FAN1: variants seen among roughly 807,000 people sequenced by gnomAD.
FAN1 encodes FANCD2 and FANCI associated nuclease 1, also known as fanconi-associated nuclease 1.
A neutral mutation model predicts 104.9 loss-of-function variants in FAN1; 91 were observed. The observed-to-expected ratio is 0.87, with a 90% CI of 0.73 to 1.03. FAN1 has a LOEUF of 1.03. Among genes scored for constraint, FAN1 ranks in the 50% least tolerant of loss-of-function variants. The probability of loss-of-function intolerance (pLI) is 0.00; values close to 1 mark genes in which losing one functional copy is unlikely to be tolerated. For synonymous variants in FAN1, 478 were observed against 457.6 expected (o/e 1.04, Z -0.57); for missense variants, 1,263 against 1,239.9 (o/e 1.02, Z -0.28).
intron 5 of FAN1, among the ~76,000 whole-genome samples, 194 bp from the exon 6 acceptor site, chr15:30,917,970 T>C (rs1196040653): frequency 1.3e-5 from 2 of 152,230 alleles, no homozygotes; most frequent in Non-Finnish European, 2.9e-5. Flanking sequence ...ATCTTTCTAG[T>C]TGGGCTTTCT....
chr15:30,907,754 G>T (rs1014662706), intron 2 of FAN1, among the ~76,000 whole-genome samples: 6 of 152,356 alleles, frequency 3.9e-5, no homozygotes, highest in Non-Finnish European at 7.3e-5. Context: ...TGCTGGGTTA[G>T]AGATGACTGC....
intron 6 of FAN1, among the ~76,000 whole-genome samples, chr15:30,920,156 G>A (rs1473899016): frequency 1.3e-5 from 2 of 152,178 alleles, no homozygotes; most frequent in Non-Finnish European, 2.9e-5. Flanking sequence ...TTCATTTGTG[G>A]ACATTGAAAT....
Position 30,941,749 on chromosome 15 carries a change from C to G in FAN1, c.*187C>G. On this transcript the variant is annotated 3_prime_UTR_variant, in exon 15 of 15. Transcript: ENST00000362065. ...TGCTCAGTACGTCGACTTCATCAGC[C>G]AGGAGGGAGAGCTTGTGAAAGGCTG... 1 of 1,613,980 alleles carries G rather than the reference C, an allele frequency of 6.2e-7. No individual in the cohort carries two copies. The highest frequency in any genetic ancestry group is 1.3e-5 in the African/African-American group (1 of 75,032).
intron 4 of FAN1, chr15:30,911,283 GA>G: frequency 1.0e-6 from 1 of 986,768 alleles, no homozygotes; most frequent in Non-Finnish European, 1.2e-6. Flanking sequence ...TGTTTCAGTT[GA>G]AAATTACAAA....
intron 12 of FAN1, among the ~76,000 whole-genome samples, chr15:30,929,723 TAAA>T (rs1566929730): frequency 2.3e-5 from 1 of 43,174 alleles, no homozygotes; most frequent in Non-Finnish European, 4.1e-5. Context: ...ATAATATATA[TAAA>T]ATATATAATA....
Position 30,941,615 on chromosome 15 carries a change from C to T in FAN1, c.*53C>T, listed in dbSNP as rs747033345. 5 of 1,601,980 alleles carry T rather than the reference C, an allele frequency of 3.1e-6. No homozygotes were observed. The African/African-American group carries it at 5.4e-5, about 17-fold the overall frequency. On this transcript the variant is annotated 3_prime_UTR_variant, in exon 15 of 15. Coordinates refer to ENST00000362065, the MANE Select transcript of FAN1 (RefSeq NM_014967.5). ...TGAGGAGGAGAGAAACTCCGGTGTC[C>T]CCGAGGTGTCGGTGTGGTGAGGGCC...
intron 10 of FAN1, chr15:30,927,063 G>T: frequency 1.0e-6 from 1 of 975,376 alleles, no homozygotes; most frequent in Non-Finnish European, 1.2e-6. Flanking sequence ...TGTAATCCCA[G>T]CACTTGGGGA....
chr15:30,904,872 T>A lies in FAN1; in HGVS notation c.209T>A (p.Val70Asp), dbSNP rs1418869148. 6.2e-7 allele frequency: 1 copy of A among 1,613,612 alleles called. No homozygotes were observed. Among genetic ancestry groups the A allele is most frequent in the Non-Finnish European group, 8.5e-7 (1 of 1,179,692 alleles). The change falls in exon 2 of 15, where the codon GTT (valine) becomes GAT (aspartate). Residue 70 changes from valine (V) to aspartate (D), a missense_variant. Around this residue, in one of 2 missense-constraint regions of FAN1, gnomAD observed 682 missense variants for 571.1 expected, o/e 1.19. Coordinates refer to ENST00000362065, the MANE Select transcript of FAN1 (RefSeq NM_014967.5). ...LDEMCANNDF[V>D]QVDPGQVGLI... ...GAAATGTGTGCTAACAATGACTTCGTTCAAGTGGATCCAGGGCAGGTTGGC... is the reference window on the plus strand; with the variant it reads ...GAAATGTGTGCTAACAATGACTTCGATCAAGTGGATCCAGGGCAGGTTGGC...
rs1178176554 is a variant in FAN1 at position 30,925,042 on chromosome 15, CA to C, written c.2173-84del. The C allele has an allele frequency of 3.2e-5, 44 of 1,396,278 alleles. No homozygotes were observed. The East Asian group carries it at 8.8e-4, about 28-fold the overall frequency. The allele number at this position is 1,396,278 out of a possible 1,614,324, so 86.5% of individuals were successfully genotyped here. A position where few individuals can be genotyped will look rare whatever the true frequency, so the allele number is the denominator to read the frequency against. ...CTAATCAGCAAAATTCAATAATAAACAGTGGGCTTTTCTGTCAAACTAAATG... is the reference window on the plus strand; with the variant it reads ...CTAATCAGCAAAATTCAATAATAAACGTGGGCTTTTCTGTCAAACTAAATG... On this transcript the variant is annotated intron_variant, in intron 8 of 14. Transcript: ENST00000362065.
At chr15:30,941,216 C>G in intron 14 of FAN1, 1 of 1,389,890 alleles carries the variant, frequency 7.2e-7, no homozygotes, top group African/African-American at 1.4e-5. Flanking sequence ...ATGTAGCAGA[C>G]AACATGAACA....
At chr15:30,927,684 C>T in intron 10 of FAN1, 2 of 985,660 alleles carry the variant, frequency 2.0e-6, no homozygotes, top group Non-Finnish European at 2.4e-6. Flanking sequence ...TGGTGGTCAG[C>T]ACCTCCTCTG....
At chr15:30,917,912 A>G (rs1595845968) in intron 5 of FAN1, among the ~76,000 whole-genome samples, 1 of 152,378 alleles carries the variant, frequency 6.6e-6, no homozygotes, top group South Asian at 2.1e-4. Context: ...TCCATATCAC[A>G]TTTATAGAAT....
intron 8 of FAN1, among the ~76,000 whole-genome samples, chr15:30,923,888 AG>A (rs539655800): frequency 7.5e-4 from 114 of 152,204 alleles, no homozygotes; most frequent in Non-Finnish European, 1.4e-3. Flanking sequence ...AGCCATTTTT[AG>A]GTGTACAGTT....
chr15:30,905,137 A>C lies in FAN1; in HGVS notation c.474A>C (p.Lys158Asn). 1 of 1,614,046 alleles carries C rather than the reference A, an allele frequency of 6.2e-7. No individual in the cohort carries two copies. Among genetic ancestry groups the C allele is most frequent in the South Asian group, 1.1e-5 (1 of 91,090 alleles). Residue 158 changes from lysine to asparagine, a missense_variant, in exon 2 of 15, where the codon AAA becomes AAC. Transcript: ENST00000362065. ...KVICLGSLASKLSRKYVKAKK... is the reference protein window; with the variant it reads ...KVICLGSLASNLSRKYVKAKK... ...TTTGTTTGGGAAGCCTAGCATCTAA[A>C]TTGTCCAGAAAATACGTAAAGGCTA... is the stretch of plus-strand genomic sequence containing the variant.
chr15:30,905,584 T>C lies in FAN1; in HGVS notation c.921T>C (p.Thr307=). The change falls in exon 2 of 15, where the codon ACT becomes ACC. Residue 307 remains threonine, a synonymous_variant. Transcript: ENST00000362065. ...GTCATTGTGAAGAAGTAAAAATGAC[T>C]GTTGCTTCAGAAGCTAAAATACAGC... ...EACHCEEVKM[T]VASEAKIQLS... The C allele has an allele frequency of 1.9e-6, 3 of 1,613,668 alleles. No individual in the cohort carries two copies. Among genetic ancestry groups the C allele is most frequent in the African/African-American group, 1.3e-5 (1 of 75,064 alleles).
intron 12 of FAN1, among the ~76,000 whole-genome samples, chr15:30,930,233 T>C (rs1227455854): frequency 6.6e-6 from 1 of 151,722 alleles, no homozygotes; most frequent in East Asian, 1.9e-4. Context: ...CTGCCCTCTA[T>C]GAGGCCATGC....
intron 14 of FAN1, chr15:30,939,820 A>AGATT: frequency 1.0e-6 from 1 of 985,290 alleles, no homozygotes; most frequent in Non-Finnish European, 1.2e-6. Context: ...GTTTCTAATC[A>AGATT]AGGACTGTAA....
intron 12 of FAN1, among the ~76,000 whole-genome samples, chr15:30,929,622 A>G (rs1274563377): frequency 7.9e-6 from 1 of 127,242 alleles, no homozygotes; most frequent in Non-Finnish European, 1.6e-5. Flanking sequence ...TATAATATAT[A>G]TTATATATTA....
intron 8 of FAN1, among the ~76,000 whole-genome samples, chr15:30,923,598 A>G (rs2062387598): frequency 6.6e-6 from 1 of 152,212 alleles, no homozygotes; most frequent in African/African-American, 2.4e-5. Context: ...TAATTCCTGC[A>G]AAGTGCTCTG....
Sources: gnomAD v4.1 joint callset for allele counts (sites outside exome capture counted in the v4.1 genomes callset) on GRCh38, gnomAD v4.1.1 for gene constraint, gnomAD v4.1.1 regional missense constraint, MANE v1.5 for transcripts, NCBI Gene and HGNC (gene_info 2026-07-23, HGNC 2026-07-21) for gene names.